The following KAZN variants were observed in gnomAD, a reference collection of about 807,000 sequenced individuals.
KAZN encodes the protein kazrin.
Under a neutral mutation model 87.4 loss-of-function variants are expected in KAZN, and 40 were observed. That is an observed-to-expected ratio of 0.46 (90% CI 0.36 to 0.60). The LOEUF (loss-of-function observed/expected upper bound fraction) is 0.60, where lower values mean the gene tolerates loss of function less well. Ranked by LOEUF, KAZN falls within the 20% of genes least tolerant of loss-of-function variation. KAZN has a pLI of 0.00. For synonymous variants in KAZN, 466 were observed against 458.3 expected, an observed-to-expected ratio of 1.02 and a Z score of -0.22; for missense variants, 898 against 1,073.9, an observed-to-expected ratio of 0.84 and a Z score of 2.29.
intron 2 of KAZN, among the ~76,000 whole-genome samples, chr1:14,443,895 C>T (rs1388632813): frequency 6.6e-6 from 1 of 152,092 alleles, no homozygotes; most frequent in African/African-American, 2.4e-5. Context: ...CCCAGGGCTT[C>T]GACTATCCTT....
At chr1:13,962,247 G>A (rs1196082265) in intron 1 of KAZN, among the ~76,000 whole-genome samples, 1 of 152,146 alleles carries the variant, frequency 6.6e-6, no homozygotes, top group Non-Finnish European at 1.5e-5. Flanking sequence ...TACAGGTGCA[G>A]TAGGGGGGTC....
intron 1 of KAZN, among the ~76,000 whole-genome samples, chr1:14,670,331 A>G: frequency 6.6e-6 from 1 of 152,122 alleles, no homozygotes; most frequent in East Asian, 1.9e-4. Context: ...CCTCAGAGGC[A>G]CCTGGAAGCC....
chr1:14,601,436 A>ATT (rs965271541), intron 1 of KAZN, among the ~76,000 whole-genome samples: 3 of 140,550 alleles, frequency 2.1e-5, no homozygotes, highest in African/African-American at 5.2e-5. Flanking sequence ...AGTTTGGGGG[A>ATT]TTTTTTTTTT....
chr1:14,559,281 G>T (rs776055858), intron 2 of KAZN, among the ~76,000 whole-genome samples: 1 of 152,202 alleles, frequency 6.6e-6, no homozygotes, highest in African/African-American at 2.4e-5. Flanking sequence ...GACGGCAAAT[G>T]CATGTTGAAT....
At chr1:14,641,750 T>G (rs1300829946) in intron 1 of KAZN, among the ~76,000 whole-genome samples, 1 of 152,196 alleles carries the variant, frequency 6.6e-6, no homozygotes, top group Non-Finnish European at 1.5e-5. Context: ...ATGAGCCACT[T>G]GAAAGTTCCA....
intron 2 of KAZN, among the ~76,000 whole-genome samples, chr1:14,368,894 G>A (rs1286816428): frequency 2.0e-5 from 3 of 152,132 alleles, no homozygotes; most frequent in Admixed American, 6.5e-5. Context: ...AACGGTGCCC[G>A]TGTTAGGTAG....
chr1:14,820,179 G>A lies in KAZN; in HGVS notation c.227-140505G>A, dbSNP rs569950587. Among the ~76,000 whole-genome samples the A allele has an allele frequency of 6.6e-6, 1 of 152,298 alleles. No individual in the cohort carries two copies. The highest frequency in any genetic ancestry group is 1.9e-4 in the East Asian group (1 of 5,182). On this transcript the variant is annotated intron_variant, in intron 1 of 14. Transcript: ENST00000376030. This position sits in a 1 kb window ranked among gnomAD's most constrained non-coding sequence, Gnocchi z 4.1. ...ATTCAGTAGGAGTGGCAGGGCCCATGAACTCACATTCTGTGACGTTCACAC... is the reference window on the plus strand; with the variant it reads ...ATTCAGTAGGAGTGGCAGGGCCCATAAACTCACATTCTGTGACGTTCACAC...
intron 2 of KAZN, among the ~76,000 whole-genome samples, chr1:14,970,083 G>C (rs1223345240): frequency 6.6e-6 from 1 of 152,080 alleles, no homozygotes; most frequent in Non-Finnish European, 1.5e-5. Context: ...CAAAGTGCTG[G>C]GATTATAGGC....
chr1:14,805,396 C>T (rs930587281), intron 1 of KAZN, among the ~76,000 whole-genome samples: 1 of 152,134 alleles, frequency 6.6e-6, no homozygotes, highest in African/African-American at 2.4e-5. Context: ...TACCCAGCTC[C>T]ACCAGTCGTT....
intron 1 of KAZN, among the ~76,000 whole-genome samples, chr1:14,051,912 A>G (rs1179240023): frequency 6.6e-6 from 1 of 152,334 alleles, no homozygotes; most frequent in East Asian, 1.9e-4. Context: ...GTTACTTACC[A>G]TGCCTGTCCT....
chr1:14,707,965 G>A (rs1642297312), intron 1 of KAZN, among the ~76,000 whole-genome samples: 1 of 151,942 alleles, frequency 6.6e-6, no homozygotes, highest in Non-Finnish European at 1.5e-5. Context: ...GAATCACCCG[G>A]CCAAGCATTA....
At chr1:14,528,043 C>CTATCTATG (rs1671992895) in intron 2 of KAZN, among the ~76,000 whole-genome samples, 1 of 148,200 alleles carries the variant, frequency 6.7e-6, no homozygotes, top group Non-Finnish European at 1.5e-5. Context: ...ATCTATCTAT[C>CTATCTATG]TATCTATGTA....
At chr1:14,143,344 C>T (rs1645280472) in intron 1 of KAZN, among the ~76,000 whole-genome samples, 1 of 152,218 alleles carries the variant, frequency 6.6e-6, no homozygotes, top group African/African-American at 2.4e-5. Context: ...CACTATTCCA[C>T]TGCTCCCCTA....
chr1:13,954,172 C>G (rs1300925580), intron 1 of KAZN, among the ~76,000 whole-genome samples: 3 of 152,154 alleles, frequency 2.0e-5, no homozygotes, highest in Non-Finnish European at 4.4e-5. Context: ...CCACTGCACT[C>G]CAGCCTGGGC....
chr1:14,642,567 G>T (rs1029907129), intron 1 of KAZN, among the ~76,000 whole-genome samples: 1 of 152,142 alleles, frequency 6.6e-6, no homozygotes, highest in African/African-American at 2.4e-5. Context: ...GGGATAGATA[G>T]GGAGAGATGT....
intron 2 of KAZN, among the ~76,000 whole-genome samples, chr1:14,583,608 G>A (rs985312543): frequency 6.6e-6 from 1 of 152,180 alleles, no homozygotes; most frequent in Non-Finnish European, 1.5e-5. Flanking sequence ...GTTCCTGGGT[G>A]GGAGCATAAG....
chr1:13,942,119 G>A (rs1640949876), intron 1 of KAZN, among the ~76,000 whole-genome samples: 3 of 152,122 alleles, frequency 2.0e-5, no homozygotes, highest in South Asian at 2.1e-4. Flanking sequence ...GAGTTAGAGT[G>A]GATTGAAAAT....
chr1:14,670,446 G>A (rs12741614), intron 1 of KAZN, among the ~76,000 whole-genome samples: 30,256 of 152,148 alleles, frequency 0.2, 3,129 homozygotes, highest in South Asian at 0.3. Flanking sequence ...CACGTACCTA[G>A]GTGATGCTGC....
In KAZN at chr1:15,116,789, T is replaced by C. The variant is rs1641857848; in HGVS notation, c.*2154T>C. 1 of 152,198 alleles carries C rather than the reference T, an allele frequency of 6.6e-6. No homozygotes were observed. The highest frequency in any genetic ancestry group is 2.4e-5 in the African/African-American group (1 of 41,456). The allele number at this position is 152,198 out of a possible 1,614,324, so 9.4% of individuals were successfully genotyped here. A position where few individuals can be genotyped will look rare whatever the true frequency, so the allele number is the denominator to read the frequency against. ...CAGAGCTGATGATTTGAAACCAACG[T>C]TCACCCAACTTGTCAGAAATGGCAC... On this transcript the variant is annotated 3_prime_UTR_variant, in exon 15 of 15. Coordinates refer to ENST00000376030, the MANE Select transcript of KAZN (RefSeq NM_201628.3).
Sources: allele counts gnomAD v4.1 joint callset (sites outside exome capture counted in the v4.1 genomes callset), GRCh38; gene constraint gnomAD v4.1.1; non-coding constraint Gnocchi (gnomAD v3.1); transcripts MANE v1.5; gene names NCBI Gene and HGNC (gene_info 2026-07-23, HGNC 2026-07-21).